The following TGFB1I1 variants were observed in gnomAD, a reference collection of about 807,000 sequenced individuals.
TGFB1I1 encodes transforming growth factor beta-1-induced transcript 1 protein.
In TGFB1I1, 33 loss-of-function variants were observed where a neutral mutation model predicts 52.0. The observed-to-expected ratio is 0.63, with a 90% CI of 0.48 to 0.85. The LOEUF (loss-of-function observed/expected upper bound fraction) is 0.85, where lower values mean the gene tolerates loss of function less well. Ranked by LOEUF, TGFB1I1 falls within the 40% of genes least tolerant of loss-of-function variation. The pLI is 0.00. For missense variants in TGFB1I1, 577 were observed against 614.9 expected (o/e 0.94, Z 0.65); for synonymous variants, 236 against 253.3 (o/e 0.93, Z 0.65).
Position 31,476,972 on chromosome 16 carries a change from C to G in TGFB1I1, c.1081C>G (p.Leu361Val), listed in dbSNP as rs752570684. 6.3e-7 allele frequency: 1 copy of G among 1,596,818 alleles called. No homozygotes were observed. Among genetic ancestry groups the G allele is most frequent in the Admixed American group, 1.7e-5 (1 of 59,228 alleles). ...GPILDNYISA[L>V]SALWHPDCFV... ...CATCCTGGATAACTACATCTCGGCG[C>G]TCAGCGCGCTCTGGCACCCGGACTG... The change falls in exon 10 of 11, where the codon CTC (leucine) becomes GTC (valine). Residue 361 changes from leucine (L) to valine (V), a missense_variant. By Grantham distance (32) the Leu-to-Val change is conservative. This residue lies in a region of TGFB1I1 where 456 missense variants were observed against 461.6 expected (regional missense o/e 0.99). Transcript: ENST00000394863. This position sits in a 1 kb window ranked among gnomAD's most constrained non-coding sequence, Gnocchi z 7.6.
Position 31,477,692 on chromosome 16 carries a change from G to T in TGFB1I1, c.*116G>T. 7.4e-7 allele frequency: 1 copy of T among 1,356,236 alleles called. No homozygotes were observed. Among genetic ancestry groups the T allele is most frequent in the Middle Eastern group, 2.7e-4 (1 of 3,748 alleles). 84.0% of individuals were successfully genotyped at this position (1,356,236 alleles called of 1,614,324 possible). A position where few individuals can be genotyped will look rare whatever the true frequency, so the allele number is the denominator to read the frequency against. On this transcript the variant is annotated 3_prime_UTR_variant, in exon 11 of 11. Coordinates refer to ENST00000394863, the MANE Select transcript of TGFB1I1 (RefSeq NM_001042454.3). This position sits in a 1 kb window ranked among gnomAD's most constrained non-coding sequence, Gnocchi z 4.7. ...GAGGCCCCACCCACTGGAGAGCCCC[G>T]CCCCTAAGGTACTATGAGTCCTCAG...
At position 31,473,735 on chromosome 16, in the gene TGFB1I1, G is replaced by A; in HGVS notation, c.182+1G>A. ...CGGGGGACAAGGACCACCTGTACAG[G>A]TGAGGGGCCTGGAAACCAGGGCATG... is the stretch of plus-strand genomic sequence containing the variant. On this transcript the variant is annotated splice_donor_variant, in intron 3 of 10. Transcript: ENST00000394863. LOFTEE classifies it high-confidence loss of function. 1 of 1,570,796 alleles carries A rather than the reference G, an allele frequency of 6.4e-7. No homozygotes were observed. Among genetic ancestry groups the A allele is most frequent in the Non-Finnish European group, 8.6e-7 (1 of 1,158,740 alleles).
Position 31,474,574 on chromosome 16 carries a change from T to A in TGFB1I1, c.531T>A (p.Ser177=), listed in dbSNP as rs1372476748. ...CCTCCCCGCTGCAGCTTCCAGCCTC[T>A]GGGCCAACTCAGCCACCGGTGGTGA... is the stretch of plus-strand genomic sequence containing the variant. The part of the protein sequence containing the change: ...DFRVQNHLPA[S]GPTQPPVVSS... Residue 177 remains serine, a synonymous_variant, in exon 7 of 11, where the codon TCT becomes TCA. Transcript: ENST00000394863. The surrounding 1 kb of genome is among the most constrained non-coding windows in gnomAD (Gnocchi z 4.2). The A allele has an allele frequency of 6.2e-7, 1 of 1,608,624 alleles. No homozygotes were observed. The highest frequency in any genetic ancestry group is 8.5e-7 in the Non-Finnish European group (1 of 1,176,326).
In TGFB1I1 at chr16:31,476,307, T is replaced by C. The variant is rs1476383412; in HGVS notation, c.888+122T>C. The C allele has an allele frequency of 1.4e-5, 19 of 1,389,590 alleles. No homozygotes were observed. The highest frequency in any genetic ancestry group is 1.8e-5 in the Non-Finnish European group (18 of 1,027,338). 86.1% of individuals were successfully genotyped at this position (1,389,590 alleles called of 1,614,324 possible). On this transcript the variant is annotated intron_variant, in intron 8 of 10. Coordinates refer to ENST00000394863, the MANE Select transcript of TGFB1I1 (RefSeq NM_001042454.3). This position sits in a 1 kb window ranked among gnomAD's most constrained non-coding sequence, Gnocchi z 7.6. ...CCACTCCACCCCTACCCCTTCCCCT[T>C]GGCAATGTCCACGGCCCCTTGGACT...
At position 31,477,802 on chromosome 16, in the gene TGFB1I1, G is replaced by GCCTCCACTCTATTCCCAC; in HGVS notation, c.*230_*247dup. The GCCTCCACTCTATTCCCAC allele has an allele frequency of 1.7e-6, 1 of 605,550 alleles. No individual in the cohort carries two copies. Among genetic ancestry groups the GCCTCCACTCTATTCCCAC allele is most frequent in the Non-Finnish European group, 2.8e-6 (1 of 358,830 alleles). 37.5% of individuals were successfully genotyped at this position (605,550 alleles called of 1,614,324 possible). On this transcript the variant is annotated 3_prime_UTR_variant, in exon 11 of 11. Transcript: ENST00000394863. The surrounding 1 kb of genome is among the most constrained non-coding windows in gnomAD (Gnocchi z 4.7). ...CACACAGACAAGAACTCCCGTGCGG[G>GCCTCCACTCTATTCCCAC]CCTCCACTCTATTCCCACCCTTGAG...
At position 31,476,839 on chromosome 16, in the gene TGFB1I1, G is replaced by C; in HGVS notation, c.971-23G>C. ...GTCCCGCCCGCACCCTTTGCTTTCA[G>C]CCCACTCGGTTCCCTCTCCTAGGTT... On this transcript the variant is annotated intron_variant, in intron 9 of 10. Transcript: ENST00000394863. The surrounding 1 kb of genome is among the most constrained non-coding windows in gnomAD (Gnocchi z 7.6). The C allele has an allele frequency of 6.2e-7, 1 of 1,611,512 alleles. No individual in the cohort carries two copies. Among genetic ancestry groups the C allele is most frequent in the Non-Finnish European group, 8.5e-7 (1 of 1,179,768 alleles).
intron 3 of TGFB1I1, 48 bp downstream of exon 3, chr16:31,473,782 G>A (rs1196155623): frequency 1.2e-6 from 2 of 1,601,074 alleles, no homozygotes; most frequent in South Asian, 1.1e-5. Context: ...AGTCTCAGGT[G>A]AGGAGGCTTG....
rs192606816 is a variant in TGFB1I1, at chr16:31,473,916, C to T, written c.264C>T (p.Thr88=). The T allele has an allele frequency of 8.4e-4, 1,363 of 1,613,262 alleles. 10 individuals are homozygous for T. The highest frequency in any genetic ancestry group is 1.7e-4 in the Admixed American group (10 of 59,966). ...PFSSSSGVLG[T]GLCELDRLLQ... is the part of the protein sequence containing the mutation. ...CCTCTTCCAGCGGTGTCTTGGGTAC[C>T]GGGCTCTGTGAGCTAGATCGGTTGC... The change falls in exon 4 of 11, where the codon ACC becomes ACT. Residue 88 remains threonine (T), a synonymous_variant. Coordinates refer to ENST00000394863, the MANE Select transcript of TGFB1I1 (RefSeq NM_001042454.3).
Position 31,476,598 on chromosome 16 carries a change from G to A in TGFB1I1, c.970+36G>A. The A allele has an allele frequency of 6.3e-7, 1 of 1,593,630 alleles. No homozygotes were observed. Among genetic ancestry groups the A allele is most frequent in the Non-Finnish European group, 8.6e-7 (1 of 1,169,394 alleles). ...ACTCGACTCCCATCTTAAAAGCTGC[G>A]GGTCCCCTCGACGTCTCGCCCCAGC... On this transcript the variant is annotated intron_variant, in intron 9 of 10. Coordinates refer to ENST00000394863, the MANE Select transcript of TGFB1I1 (RefSeq NM_001042454.3). This position sits in a 1 kb window ranked among gnomAD's most constrained non-coding sequence, Gnocchi z 7.6.
In TGFB1I1 at chr16:31,477,376, C is replaced by A. The variant is rs143272436; in HGVS notation, c.1186C>A (p.His396Asn). 1.9e-6 allele frequency: 3 copies of A among 1,611,904 alleles called. No homozygotes were observed. The highest frequency in any genetic ancestry group is 2.5e-6 in the Non-Finnish European group (3 of 1,179,480). The change falls in exon 11 of 11, where the codon CAC becomes AAC. Residue 396 changes from histidine to asparagine, a missense_variant. Transcript: ENST00000394863. The surrounding 1 kb of genome is among the most constrained non-coding windows in gnomAD (Gnocchi z 4.7). ...CGAGGGCCGCCCGTTGTGCGAGAAC[C>A]ACTTCCACGCACGACGCGGCTCGCT... ...EHEGRPLCENHFHARRGSLCA... is the reference protein window; with the variant it reads ...EHEGRPLCENNFHARRGSLCA...
intron 7 of TGFB1I1, 44 bp from the exon 8 acceptor site, chr16:31,475,968 T>C (rs747314930): frequency 3.2e-6 from 5 of 1,579,192 alleles, no homozygotes; most frequent in Non-Finnish European, 4.3e-6. Context: ...ACTGGGCATG[T>C]GGTTGTCAGA....
chr16:31,472,155 C>G lies in TGFB1I1; in HGVS notation c.-34C>G. ...GCCCCCACCGGACACGGCCCCCGCC[C>G]TGTTCGCCCCGCGCCACCGGCCCGC... is the stretch of plus-strand genomic sequence containing the variant. On this transcript the variant is annotated 5_prime_UTR_variant, in exon 1 of 11. Coordinates refer to ENST00000394863, the MANE Select transcript of TGFB1I1 (RefSeq NM_001042454.3). 1 of 1,385,124 alleles carries G rather than the reference C, an allele frequency of 7.2e-7. No individual in the cohort carries two copies. The highest frequency in any genetic ancestry group is 9.4e-7 in the Non-Finnish European group (1 of 1,063,456). 85.8% of individuals were successfully genotyped at this position (1,385,124 alleles called of 1,614,324 possible).
chr16:31,475,575 C>G (rs771121304), intron 7 of TGFB1I1: 1 of 155,800 alleles, frequency 6.4e-6, no homozygotes, highest in Non-Finnish European at 1.4e-5. Flanking sequence ...TAAAGGCGCC[C>G]GCCACCTCGC....
Position 31,477,617 on chromosome 16 carries a change from T to A in TGFB1I1, c.*41T>A. Reference sequence around the variant, plus strand: ...GCCCTCTCCCCCGGAGGCCGCGCCCTCCCGGAAAAGCCGGGTCCTCCAGAC... The same window carrying A: ...GCCCTCTCCCCCGGAGGCCGCGCCCACCCGGAAAAGCCGGGTCCTCCAGAC... On this transcript the variant is annotated 3_prime_UTR_variant, in exon 11 of 11. Transcript: ENST00000394863. This position sits in a 1 kb window ranked among gnomAD's most constrained non-coding sequence, Gnocchi z 4.7. The A allele has an allele frequency of 6.5e-7, 1 of 1,548,030 alleles. No individual in the cohort carries two copies. Among genetic ancestry groups the A allele is most frequent in the Middle Eastern group, 1.8e-4 (1 of 5,670 alleles).
At chr16:31,475,311 A>G (rs2082416790) in intron 7 of TGFB1I1, 1 of 154,702 alleles carries the variant, frequency 6.5e-6, no homozygotes, top group South Asian at 2.0e-4. Flanking sequence ...ATTAAAATAA[A>G]TAGATTTTTA....
chr16:31,476,498 G>A lies in TGFB1I1; in HGVS notation c.906G>A (p.Leu302=), dbSNP rs1222066774. The change falls in exon 9 of 11, where the codon TTG becomes TTA. Residue 302 remains leucine, a synonymous_variant. Transcript: ENST00000394863. This position sits in a 1 kb window ranked among gnomAD's most constrained non-coding sequence, Gnocchi z 7.6. ...QPIRHKMVTA[L]GTHWHPEHFC... ...CCCTGCAGAAGATGGTGACCGCCTT[G>A]GGCACTCACTGGCACCCAGAGCATT... The A allele has an allele frequency of 5.6e-6, 9 of 1,613,088 alleles. No homozygotes were observed. Among genetic ancestry groups the A allele is most frequent in the Admixed American group, 1.7e-5 (1 of 59,936 alleles).
At position 31,473,882 on chromosome 16, in the gene TGFB1I1, C is replaced by T. The variant is rs1013740108; in HGVS notation, c.230C>T (p.Pro77Leu). Residue 77 changes from proline to leucine, a missense_variant, in exon 4 of 11, where the codon CCT becomes CTT. This residue lies in a region of TGFB1I1 where 113 missense variants were observed against 123.9 expected (regional missense o/e 0.91). Transcript: ENST00000394863. ...RSPKPAAPAAPPFSSSSGVLG... is the reference protein window; with the variant it reads ...RSPKPAAPAALPFSSSSGVLG... ...CCAAAGCCTGCAGCCCCGGCGGCCC[C>T]TCCATTCTCCTCTTCCAGCGGTGTC... The T allele has an allele frequency of 9.3e-6, 15 of 1,614,012 alleles. No homozygotes were observed. The highest frequency in any genetic ancestry group is 1.3e-5 in the Non-Finnish European group (15 of 1,180,042).
chr16:31,473,774 T>A, intron 3 of TGFB1I1, 40 bp downstream of exon 3: 2 of 1,593,378 alleles, frequency 1.3e-6, no homozygotes, highest in Non-Finnish European at 8.6e-7. Flanking sequence ...GCCAACTGAG[T>A]CTCAGGTGAG....
At chr16:31,473,608 G>A (rs1348835646) in intron 2 of TGFB1I1, 52 bp downstream of exon 2, 5 of 1,608,614 alleles carry the variant, frequency 3.1e-6, no homozygotes, top group Non-Finnish European at 4.2e-6. Context: ...GGCTCGGCCT[G>A]GTCTATGGGG....
Sources: allele counts gnomAD v4.1 joint callset, GRCh38; gene constraint gnomAD v4.1.1; regional missense constraint gnomAD v4.1.1; non-coding constraint Gnocchi (gnomAD v3.1); transcripts MANE v1.5; gene names NCBI Gene and HGNC (gene_info 2026-07-23, HGNC 2026-07-21).